Variants in ELMO1 observed in about 807,000 individuals in gnomAD.
ELMO1 encodes engulfment and cell motility 1.
In ELMO1, 26 loss-of-function variants were observed where a neutral mutation model predicts 98.9. The observed-to-expected ratio is 0.26, with a 90% CI of 0.19 to 0.36. The LOEUF (loss-of-function observed/expected upper bound fraction) is 0.36, where lower values mean the gene tolerates loss of function less well. ELMO1 is among the 10% of genes least tolerant of loss of function. The probability of loss-of-function intolerance (pLI) is 1.00; values close to 1 mark genes in which losing one functional copy is unlikely to be tolerated. For synonymous variants in ELMO1, 346 were observed against 346.0 expected (o/e 1.00, Z 0.00); for missense variants, 627 against 935.2 (o/e 0.67, Z 4.30).
intron 13 of ELMO1, among the ~76,000 whole-genome samples, chr7:37,191,647 C>G (rs188146051): frequency 2.6e-5 from 4 of 152,106 alleles, no homozygotes; most frequent in Non-Finnish European, 5.9e-5. Context: ...CGGCCGGGCA[C>G]GGTGGCTCAA....
At chr7:37,167,306 T>G (rs1290008945) in intron 13 of ELMO1, among the ~76,000 whole-genome samples, 1 of 152,180 alleles carries the variant, frequency 6.6e-6, no homozygotes, top group African/African-American at 2.4e-5. Context: ...TGCCAATCTG[T>G]GTCATTTAAT....
intron 16 of ELMO1, among the ~76,000 whole-genome samples, chr7:36,995,302 G>C (rs1792127403): frequency 6.6e-6 from 1 of 152,142 alleles, no homozygotes; most frequent in South Asian, 2.1e-4. Context: ...GAGGTCAGGA[G>C]ATCAAGACCA....
chr7:37,392,214 G>A (rs1803110833), intron 1 of ELMO1, among the ~76,000 whole-genome samples: 1 of 152,148 alleles, frequency 6.6e-6, no homozygotes. Context: ...CAGAAAGAGG[G>A]AAGTTGCTAC....
At chr7:36,924,583 G>A (rs1388504983) in intron 16 of ELMO1, among the ~76,000 whole-genome samples, 1 of 152,218 alleles carries the variant, frequency 6.6e-6, no homozygotes, top group African/African-American at 2.4e-5. Flanking sequence ...TCCTGCTGAA[G>A]CAGCACATTT....
chr7:37,054,775 C>A (rs1358526598), intron 15 of ELMO1, among the ~76,000 whole-genome samples: 1 of 152,160 alleles, frequency 6.6e-6, no homozygotes, highest in African/African-American at 2.4e-5. Flanking sequence ...AGCATGCATG[C>A]CTACAGTAAT....
At chr7:37,227,542 C>T (rs562785065) in intron 8 of ELMO1, among the ~76,000 whole-genome samples, 14 of 152,142 alleles carry the variant, frequency 9.2e-5, no homozygotes, top group African/African-American at 3.1e-4. Flanking sequence ...TGCACCACCA[C>T]GCCAAGCTAA....
intron 1 of ELMO1, among the ~76,000 whole-genome samples, chr7:37,403,981 TA>T (rs987922944): frequency 7.2e-5 from 11 of 152,230 alleles, no homozygotes; most frequent in African/African-American, 2.6e-4. Flanking sequence ...ATGCTGATAA[TA>T]GGGAAAACTG....
intron 20 of ELMO1, among the ~76,000 whole-genome samples, chr7:36,868,326 G>GCTT (rs201784212): frequency 0.29 from 39,969 of 137,310 alleles, 5,931 homozygotes; most frequent in Middle Eastern, 0.35. Flanking sequence ...GCTTTGTTCT[G>GCTT]CTTCTTCTTC....
intron 2 of ELMO1, among the ~76,000 whole-genome samples, chr7:37,328,682 C>A (rs1041498310): frequency 6.6e-6 from 1 of 152,092 alleles, no homozygotes; most frequent in African/African-American, 2.4e-5. Flanking sequence ...GTAGATGATC[C>A]TTCCTCATGC....
At chr7:37,092,585 CA>C (rs78820517) in intron 15 of ELMO1, among the ~76,000 whole-genome samples, 17,556 of 151,922 alleles carry the variant, frequency 0.12, 1,067 homozygotes, top group Middle Eastern at 0.26. Flanking sequence ...CCGTGTTAGA[CA>C]GGACGGTCTT....
intron 6 of ELMO1, among the ~76,000 whole-genome samples, chr7:37,253,485 C>G (rs1360832576): frequency 1.3e-5 from 2 of 152,236 alleles, no homozygotes; most frequent in Admixed American, 6.5e-5. Flanking sequence ...GAGCGGAAAA[C>G]CAAACACCGC....
In ELMO1 at chr7:37,444,215, T is replaced by A. The variant is rs186328462; in HGVS notation, c.-74+4460A>T. ...CATGCATCCCAGCAGTGTGGCTGCC[T>A]CCAGAAGAGATTACAACTGTCTTTG... On this transcript the variant is annotated intron_variant, in intron 1 of 21. Transcript: ENST00000310758. 9.9e-5 allele frequency among the ~76,000 whole-genome samples: 15 copies of A among 152,272 alleles called. 1 individual carries two copies. Among genetic ancestry groups the A allele is most frequent in the African/African-American group, 3.6e-4 (15 of 41,538 alleles).
chr7:37,201,982 G>A (rs988808844), intron 13 of ELMO1, among the ~76,000 whole-genome samples: 1 of 152,164 alleles, frequency 6.6e-6, no homozygotes, highest in Non-Finnish European at 1.5e-5. Flanking sequence ...ACCATCCCAG[G>A]TAATCCCTTT....
chr7:37,295,431 G>T (rs1246349411), intron 4 of ELMO1, among the ~76,000 whole-genome samples: 1 of 152,126 alleles, frequency 6.6e-6, no homozygotes, highest in Admixed American at 6.5e-5. Flanking sequence ...AATGAATTCT[G>T]ACTTTAAAAA....
chr7:36,963,239 G>A (rs892342305), intron 16 of ELMO1, among the ~76,000 whole-genome samples: 18 of 152,202 alleles, frequency 1.2e-4, no homozygotes, highest in Admixed American at 7.2e-4. Context: ...TTAGCTGGGC[G>A]TGGTGCCGTG....
intron 1 of ELMO1, among the ~76,000 whole-genome samples, chr7:37,389,995 C>G (rs1160634730): frequency 6.6e-6 from 1 of 152,152 alleles, no homozygotes. Context: ...TTCAGATTCT[C>G]TAGCGCTTTC....
intron 2 of ELMO1, among the ~76,000 whole-genome samples, chr7:37,316,996 AGTTT>A (rs1799208568): frequency 6.6e-6 from 1 of 152,166 alleles, no homozygotes; most frequent in African/African-American, 2.4e-5. Context: ...AACCCCAGTT[AGTTT>A]ATCTGTAAAA....
At chr7:37,071,671 T>C (rs946845241) in intron 15 of ELMO1, among the ~76,000 whole-genome samples, 6 of 152,052 alleles carry the variant, frequency 3.9e-5, no homozygotes, top group Non-Finnish European at 7.4e-5. Context: ...TGATAACATC[T>C]TCCTTTATTT....
At chr7:37,019,447 GC>G (rs1348834508) in intron 15 of ELMO1, among the ~76,000 whole-genome samples, 3 of 152,220 alleles carry the variant, frequency 2.0e-5, no homozygotes, top group African/African-American at 7.2e-5. Flanking sequence ...GACTAAGACA[GC>G]AAGCTCAATC....
Sources: allele counts gnomAD v4.1 joint callset (sites outside exome capture counted in the v4.1 genomes callset), GRCh38; gene constraint gnomAD v4.1.1; transcripts MANE v1.5; gene names NCBI Gene and HGNC (gene_info 2026-07-23, HGNC 2026-07-21).